GALNT13: variants seen among roughly 807,000 people sequenced by gnomAD.
The protein encoded by GALNT13 is polypeptide N-acetylgalactosaminyltransferase 13, also known as UDP-GalNAc:polypeptide N-acetylgalactosaminyltransferase 13.
In GALNT13, 28 loss-of-function variants were observed where a neutral mutation model predicts 64.2. That is an observed-to-expected ratio of 0.44 (90% CI 0.32 to 0.60). The LOEUF is 0.60. Ranked by LOEUF, GALNT13 falls within the 20% of genes least tolerant of loss-of-function variation. The pLI is 0.05. For missense variants in GALNT13, 577 were observed against 669.8 expected (o/e 0.86, Z 1.53); for synonymous variants, 214 against 224.6 (o/e 0.95, Z 0.42).
At chr2:154,135,782 C>T (rs916642651) in intron 3 of GALNT13, among the ~76,000 whole-genome samples, 7 of 151,976 alleles carry the variant, frequency 4.6e-5, no homozygotes, top group African/African-American at 9.7e-5. Context: ...GAGCTGTGAC[C>T]GTGAAACTAC....
chr2:153,370,205 CA>C, the GALNT13 span, among the ~76,000 whole-genome samples: 1 of 151,458 alleles, frequency 6.6e-6, no homozygotes, highest in African/African-American at 2.4e-5. Flanking sequence ...TAAAATGTTT[CA>C]AAAAAAGGCT....
At chr2:153,996,203 T>C (rs1286591613) in intron 3 of GALNT13, among the ~76,000 whole-genome samples, 2 of 152,172 alleles carry the variant, frequency 1.3e-5, no homozygotes, top group East Asian at 3.9e-4. Context: ...GTAATGAAAT[T>C]GCTGAATCAT....
At chr2:154,232,277 T>C (rs923896112) in intron 4 of GALNT13, among the ~76,000 whole-genome samples, 4 of 152,150 alleles carry the variant, frequency 2.6e-5, no homozygotes, top group African/African-American at 4.8e-5. Context: ...ATTTACAGCC[T>C]CTAAAGTTAA....
chr2:154,320,822 A>G (rs1430053432), intron 9 of GALNT13, among the ~76,000 whole-genome samples: 4 of 152,194 alleles, frequency 2.6e-5, no homozygotes, highest in Admixed American at 2.6e-4. Context: ...TTCTCTGTAT[A>G]AACCTAATCA....
chr2:153,195,428 ATGCTGGCTGC>A, the GALNT13 span, among the ~76,000 whole-genome samples: 1 of 152,218 alleles, frequency 6.6e-6, no homozygotes, highest in Admixed American at 6.5e-5. Flanking sequence ...GCAGTCAGAC[ATGCTGGCTGC>A]TGCTGCAGGG....
At chr2:153,941,400 A>AC (rs1691328876) in intron 2 of GALNT13, among the ~76,000 whole-genome samples, 1 of 152,206 alleles carries the variant, frequency 6.6e-6, no homozygotes, top group Non-Finnish European at 1.5e-5. Flanking sequence ...TGTTTTTGAA[A>AC]CAATTAGGAA....
At chr2:153,772,906 G>T in the GALNT13 span, among the ~76,000 whole-genome samples, 1 of 152,254 alleles carries the variant, frequency 6.6e-6, no homozygotes, top group South Asian at 2.1e-4. Flanking sequence ...TGCTGCCCCT[G>T]CTCTGATTTT....
At chr2:153,333,160 C>A in the GALNT13 span, among the ~76,000 whole-genome samples, 1 of 152,204 alleles carries the variant, frequency 6.6e-6, no homozygotes, top group East Asian at 1.9e-4. Context: ...ATGCACCTAC[C>A]ATAAAAATAA....
At chr2:153,802,122 T>C in the GALNT13 span, among the ~76,000 whole-genome samples, 1 of 152,230 alleles carries the variant, frequency 6.6e-6, no homozygotes, top group Non-Finnish European at 1.5e-5. Flanking sequence ...TGGTAACAAT[T>C]TTCATGATAG....
At chr2:154,456,388 A>G (rs1420664068), downstream of GALNT13, among the ~76,000 whole-genome samples, 5 of 152,100 alleles carry the variant, frequency 3.3e-5, no homozygotes, top group East Asian at 7.7e-4. Context: ...TTAAATATTC[A>G]TACATTTTTG....
chr2:153,237,599 C>G, the GALNT13 span, among the ~76,000 whole-genome samples: 10 of 152,080 alleles, frequency 6.6e-5, no homozygotes, highest in Admixed American at 2.0e-4. Flanking sequence ...ATGTGCCTGG[C>G]TTATTTCACT....
At chr2:154,403,185 G>C (rs1699375610) in intron 10 of GALNT13, among the ~76,000 whole-genome samples, 1 of 152,112 alleles carries the variant, frequency 6.6e-6, no homozygotes, top group Admixed American at 6.5e-5. Flanking sequence ...CAGGCATGGT[G>C]GTTTACGCCT....
At chr2:154,431,754 G>C (rs546663332) in intron 11 of GALNT13, among the ~76,000 whole-genome samples, 90 of 152,316 alleles carry the variant, frequency 5.9e-4, no homozygotes, top group South Asian at 2.9e-3. Flanking sequence ...CATGGGGGCA[G>C]GTTTTTCCCA....
chr2:154,401,717 C>T (rs1169543887), intron 10 of GALNT13, among the ~76,000 whole-genome samples: 2 of 152,120 alleles, frequency 1.3e-5, no homozygotes, highest in African/African-American at 4.8e-5. Flanking sequence ...TTATTCAATT[C>T]TCTCAGGATT....
chr2:154,298,674 G>A (rs746826185), intron 8 of GALNT13, among the ~76,000 whole-genome samples: 1 of 77,382 alleles, frequency 1.3e-5, no homozygotes, highest in Non-Finnish European at 2.5e-5. Flanking sequence ...TATATACATT[G>A]TATATACAAT....
chr2:153,413,794 CTT>C, the GALNT13 span, among the ~76,000 whole-genome samples: 2 of 152,128 alleles, frequency 1.3e-5, no homozygotes, highest in Non-Finnish European at 2.9e-5. Flanking sequence ...GCTAACATAA[CTT>C]ATATGTAAGT....
chr2:153,571,627 T>C, the GALNT13 span, among the ~76,000 whole-genome samples: 1 of 151,996 alleles, frequency 6.6e-6, no homozygotes, highest in Non-Finnish European at 1.5e-5. Context: ...GTTCCTTCTA[T>C]ACCCAATTTT....
the GALNT13 span, among the ~76,000 whole-genome samples, chr2:153,743,171 A>G: frequency 5.3e-4 from 80 of 152,164 alleles, 2 homozygotes; most frequent in Admixed American, 5.0e-3. Context: ...AGAAATCTTC[A>G]TATTCTTTTC....
At chr2:153,079,728 C>T in the GALNT13 span, among the ~76,000 whole-genome samples, 1 of 152,132 alleles carries the variant, frequency 6.6e-6, no homozygotes, top group Admixed American at 6.6e-5. Flanking sequence ...TGTCCCTGGT[C>T]ATTTGGTACC....
Sources: gnomAD v4.1 joint callset for allele counts (sites outside exome capture counted in the v4.1 genomes callset) on GRCh38, gnomAD v4.1.1 for gene constraint, MANE v1.5 for transcripts, NCBI Gene and HGNC (gene_info 2026-07-23, HGNC 2026-07-21) for gene names.